The following DMD variants were observed in gnomAD, a reference collection of about 807,000 sequenced individuals.
DMD encodes the protein dystrophin, also known as mutant dystrophin.
In DMD, 63 loss-of-function variants were observed where a neutral mutation model predicts 330.1. The ratio of observed to expected loss-of-function variants is 0.19; its 90% confidence interval spans 0.16 to 0.24. The LOEUF is 0.24. Among genes scored for constraint, DMD ranks in the 10% least tolerant of loss-of-function variants. The pLI is 1.00. For missense variants in DMD, 3,344 were observed against 2,684.1 expected (o/e 1.25, Z -5.43); for synonymous variants, 1,223 against 959.8 (o/e 1.27, Z -5.07).
chrX:32,330,181 A>G (rs911084186), intron 41 of DMD, among the ~76,000 whole-genome samples: 2 of 112,310 alleles, frequency 1.8e-5, no homozygotes, highest in Admixed American at 9.5e-5. Flanking sequence ...TTATAACATC[A>G]AGGCTATGTG....
chrX:32,461,502 T>G (rs2098383202), intron 25 of DMD, among the ~76,000 whole-genome samples: 1 of 111,069 alleles, frequency 9.0e-6, no homozygotes, highest in African/African-American at 3.3e-5. Context: ...AACAGATGAG[T>G]GTGTTTAAAA....
intron 7 of DMD, among the ~76,000 whole-genome samples, chrX:32,788,678 C>A (rs1275738482): frequency 9.0e-6 from 1 of 111,147 alleles, no homozygotes; most frequent in African/African-American, 3.3e-5. Context: ...CAAAACTAAC[C>A]CTGGATAAAT....
chrX:32,750,779 T>C (rs193113304), intron 7 of DMD, among the ~76,000 whole-genome samples: 1 of 111,975 alleles, frequency 8.9e-6, no homozygotes, highest in East Asian at 2.8e-4. Flanking sequence ...GGTTTGGCTG[T>C]GCCCTCACCC....
intron 55 of DMD, among the ~76,000 whole-genome samples, chrX:31,529,043 G>A (rs748281116): frequency 2.3e-4 from 26 of 111,034 alleles, no homozygotes; most frequent in Non-Finnish European, 4.3e-4. Flanking sequence ...CCAACATGGC[G>A]AAACTCTGTC....
intron 55 of DMD, among the ~76,000 whole-genome samples, chrX:31,514,710 A>G (rs2072009497): frequency 8.9e-6 from 1 of 112,654 alleles, no homozygotes; most frequent in Admixed American, 9.4e-5. Flanking sequence ...TACTATTACA[A>G]GATAATCCAT....
chrX:32,674,902 T>A (rs1340602321), intron 9 of DMD, among the ~76,000 whole-genome samples: 1 of 110,749 alleles, frequency 9.0e-6, no homozygotes, highest in Non-Finnish European at 1.9e-5. Context: ...AAATTCTCTT[T>A]GTATCTTGAG....
chrX:33,025,483 AC>A (rs2093979530), intron 1 of DMD, among the ~76,000 whole-genome samples: 1 of 111,173 alleles, frequency 9.0e-6, no homozygotes, highest in Non-Finnish European at 1.9e-5. Context: ...AAAAAAAAAA[AC>A]AGAAAAACAG....
At chrX:31,659,531 C>T (rs1410727102) in intron 53 of DMD, among the ~76,000 whole-genome samples, 2 of 103,345 alleles carry the variant, frequency 1.9e-5, no homozygotes, top group African/African-American at 3.6e-5. Context: ...CCCAGCTACT[C>T]GGGAGGCTGA....
chrX:31,641,737 T>C (rs2079776920), intron 54 of DMD, among the ~76,000 whole-genome samples: 1 of 111,716 alleles, frequency 9.0e-6, no homozygotes, highest in Admixed American at 9.6e-5. Context: ...ATTTTTCTTA[T>C]AGTACAGTTA....
chrX:32,606,120 T>C (rs2056676101), intron 12 of DMD, among the ~76,000 whole-genome samples: 1 of 110,316 alleles, frequency 9.1e-6, no homozygotes, highest in African/African-American at 3.3e-5. Context: ...AAATATTATG[T>C]CTTTTCATTC....
In DMD at chrX:32,346,016, A is replaced by C. The variant is rs756113955; in HGVS notation, c.5513T>G (p.Ile1838Ser). The change falls in exon 39 of 79, where the codon ATC (isoleucine) becomes AGC (serine). Residue 1838 changes from isoleucine to serine, a missense_variant. Ile to Ser is a moderately radical substitution (Grantham distance 142, BLOSUM62 -2). Coordinates refer to ENST00000357033, the MANE Select transcript of DMD (RefSeq NM_004006.3). ...TTCCTCTCGCTTTCTCTCATCTGTGATTCTTTGTTGTAAGTTGTCTCCTCT... is the reference window on the plus strand; with the variant it reads ...TTCCTCTCGCTTTCTCTCATCTGTGCTTCTTTGTTGTAAGTTGTCTCCTCT... ...LQRGDNLQQR[I>S]TDERKREEIK... 1 of 1,207,442 alleles carries C rather than the reference A, an allele frequency of 8.3e-7. No homozygotes were observed. The highest frequency in any genetic ancestry group is 1.1e-6 in the Non-Finnish European group (1 of 893,736).
At position 31,820,040 on chromosome X, in the gene DMD, C is replaced by T. The variant is rs373749120; in HGVS notation, c.7244G>A (p.Arg2415His). The T allele has an allele frequency of 4.0e-5, 48 of 1,210,054 alleles. No individual in the cohort carries two copies. The highest frequency in any genetic ancestry group is 3.8e-4 in the African/African-American group (22 of 57,278). The change falls in exon 50 of 79, where the codon CGT (arginine) becomes CAT (histidine). Residue 2415 changes from arginine (R) to histidine (H), a missense_variant. Physicochemically the swap from Arg to His is conservative, Grantham distance 29 (BLOSUM62 0). Transcript: ENST00000357033. ...DLSSEWKAVNRLLQELRAKQP... is the reference protein window; with the variant it reads ...DLSSEWKAVNHLLQELRAKQP... ...CTTTGCCCTCAGCTCTTGAAGTAAA[C>T]GGTTTACCGCCTTCCACTCAGAGCT...
chrX:32,903,268 T>G (rs1258884998), intron 2 of DMD, among the ~76,000 whole-genome samples: 2 of 105,442 alleles, frequency 1.9e-5, no homozygotes, highest in African/African-American at 3.7e-5. Context: ...TGTGTAAGGG[T>G]ATGGTATAAA....
chrX:32,039,885 T>C lies in DMD; in HGVS notation c.6439-71371A>G, dbSNP rs756325302. Among the ~76,000 whole-genome samples the C allele has an allele frequency of 4.5e-5, 5 of 111,132 alleles. No individual in the cohort carries two copies. In the South Asian group the frequency reaches 1.5e-3, roughly 34 times the overall value. ...ACTTTTCTTACATTGCACATTTAAG[T>C]GACATCATGTGGTATTTGTCTTTCT... is the stretch of plus-strand genomic sequence containing the variant. On this transcript the variant is annotated intron_variant, in intron 44 of 78. Transcript: ENST00000357033.
At chrX:31,918,458 C>G (rs1404890264) in intron 47 of DMD, among the ~76,000 whole-genome samples, 6 of 110,806 alleles carry the variant, frequency 5.4e-5, no homozygotes, top group Admixed American at 3.9e-4. Context: ...TTACACAAAC[C>G]ATTAGAATAT....
chrX:32,123,587 G>A (rs866023968), intron 44 of DMD, among the ~76,000 whole-genome samples: 1 of 111,116 alleles, frequency 9.0e-6, no homozygotes. Flanking sequence ...TGAAATCCTC[G>A]AAGTAAAATA....
At chrX:33,296,334 A>G (rs895090559) in intron 1 of DMD, among the ~76,000 whole-genome samples, 1 of 111,404 alleles carries the variant, frequency 9.0e-6, no homozygotes, top group African/African-American at 3.2e-5. Flanking sequence ...GTGACAGAGC[A>G]CAAGCAGATT....
intron 37 of DMD, among the ~76,000 whole-genome samples, chrX:32,361,015 G>A (rs2097831480): frequency 1.8e-5 from 2 of 110,334 alleles, no homozygotes; most frequent in African/African-American, 6.6e-5. Flanking sequence ...CACATCTGTG[G>A]TGGAGAGCAA....
At chrX:31,734,688 A>C (rs1211586849) in intron 51 of DMD, among the ~76,000 whole-genome samples, 1 of 111,154 alleles carries the variant, frequency 9.0e-6, no homozygotes, top group Non-Finnish European at 1.9e-5. Flanking sequence ...AGGAGAAAAT[A>C]ATTCCTGTTC....
Sources: allele counts gnomAD v4.1 joint callset (sites outside exome capture counted in the v4.1 genomes callset), GRCh38; gene constraint gnomAD v4.1.1; transcripts MANE v1.5; gene names NCBI Gene and HGNC (gene_info 2026-07-23, HGNC 2026-07-21).